Variants in SLC4A5 observed in about 807,000 individuals in gnomAD.
The protein encoded by SLC4A5 is electrogenic sodium bicarbonate cotransporter 4.
SLC4A5 carries 96 observed loss-of-function variants against 120.4 expected under a neutral mutation model. That is an observed-to-expected ratio of 0.80 (90% CI 0.68 to 0.94). The LOEUF is 0.94. Ranked by LOEUF, SLC4A5 falls within the 40% of genes least tolerant of loss-of-function variation. The probability of loss-of-function intolerance (pLI) is 0.00; values close to 1 mark genes in which losing one functional copy is unlikely to be tolerated. For missense variants in SLC4A5, 1,259 were observed against 1,459.5 expected, an observed-to-expected ratio of 0.86 and a Z score of 2.24; for synonymous variants, 550 against 571.1, an observed-to-expected ratio of 0.96 and a Z score of 0.53.
At chr2:74,252,950 C>T (rs1295008294) in intron 15 of SLC4A5, 24 bp downstream of exon 15, 9 of 1,613,032 alleles carry the variant, frequency 5.6e-6, no homozygotes, top group Non-Finnish European at 6.8e-6. Context: ...TTTTTCTCTC[C>T]CTACTGCCCA....
chr2:74,327,758 T>C (rs1190225113), intron 5 of SLC4A5, among the ~76,000 whole-genome samples: 1 of 152,152 alleles, frequency 6.6e-6, no homozygotes, highest in African/African-American at 2.4e-5. Flanking sequence ...GTCTAACACA[T>C]TTGACAAAGA....
chr2:74,309,459 A>G (rs112927740), intron 6 of SLC4A5, among the ~76,000 whole-genome samples: 6 of 152,274 alleles, frequency 3.9e-5, no homozygotes, highest in African/African-American at 1.4e-4. Context: ...GAGTAGTGTC[A>G]GTTCTTCAAC....
chr2:74,226,201 G>A (rs921793150), intron 27 of SLC4A5, among the ~76,000 whole-genome samples: 1 of 151,272 alleles, frequency 6.6e-6, no homozygotes, highest in African/African-American at 2.5e-5. Context: ...AAGAACCATG[G>A]ACTAGACCCC....
intron 25 of SLC4A5, among the ~76,000 whole-genome samples, chr2:74,230,851 G>A (rs549745065): frequency 1.3e-5 from 2 of 151,968 alleles, no homozygotes; most frequent in South Asian, 4.2e-4. Flanking sequence ...TTGCTGCCCA[G>A]GCTGGAGTGC....
At chr2:74,333,642 T>C (rs905878536) in intron 4 of SLC4A5, among the ~76,000 whole-genome samples, 2 of 152,212 alleles carry the variant, frequency 1.3e-5, no homozygotes, top group Middle Eastern at 3.2e-3. Context: ...CTTGAGCATC[T>C]TCAGATTATG....
At chr2:74,285,654 G>C (rs1671958207) in intron 8 of SLC4A5, 119 bp downstream of exon 8, 1 of 1,204,460 alleles carries the variant, frequency 8.3e-7, no homozygotes, top group East Asian at 2.7e-5. Context: ...CAGCTGGGAG[G>C]GTCTTTGTGG....
intron 7 of SLC4A5, among the ~76,000 whole-genome samples, chr2:74,295,376 A>G (rs539858006): frequency 5.3e-5 from 8 of 152,230 alleles, no homozygotes; most frequent in South Asian, 2.1e-4. Flanking sequence ...GCTCATGCCT[A>G]TAATTCCAGG....
chr2:74,273,854 G>T (rs999988562), intron 8 of SLC4A5, among the ~76,000 whole-genome samples: 9 of 152,180 alleles, frequency 5.9e-5, no homozygotes, highest in African/African-American at 2.2e-4. Flanking sequence ...TCTGTGGAAG[G>T]AAGATTTTTC....
intron 17 of SLC4A5, among the ~76,000 whole-genome samples, chr2:74,248,950 G>C (rs1670705396): frequency 6.6e-6 from 1 of 152,196 alleles, no homozygotes; most frequent in African/African-American, 2.4e-5. Flanking sequence ...CTTCATTCCA[G>C]TGGGAGACAC....
chr2:74,223,258 G>A (rs1326088171), intron 28 of SLC4A5, among the ~76,000 whole-genome samples: 1 of 152,096 alleles, frequency 6.6e-6, no homozygotes, highest in Admixed American at 6.6e-5. Flanking sequence ...CCCTGCCTCG[G>A]CCTCCCAAAG....
At chr2:74,317,901 C>T (rs1232818044) in intron 5 of SLC4A5, among the ~76,000 whole-genome samples, 4 of 152,198 alleles carry the variant, frequency 2.6e-5, no homozygotes, top group African/African-American at 4.8e-5. Flanking sequence ...GGCAGCTCCA[C>T]TTCAAAACAT....
At position 74,295,145 on chromosome 2, in the gene SLC4A5, G is replaced by C. The variant is rs568479738; in HGVS notation, c.272-9243C>G. 3.9e-4 allele frequency among the ~76,000 whole-genome samples: 59 copies of C among 151,990 alleles called. No individual in the cohort carries two copies. The South Asian group carries it at 0.012, about 31-fold the overall frequency. ...GGAGTGAGTGTGTGTGTGTTGGAGA[G>C]GGGGCGCTGAGGAGAGGGGGCTCAG... On this transcript the variant is annotated intron_variant, in intron 7 of 30. Transcript: ENST00000394019.
intron 7 of SLC4A5, among the ~76,000 whole-genome samples, chr2:74,303,101 A>C (rs979075677): frequency 4.0e-5 from 6 of 148,394 alleles, no homozygotes; most frequent in African/African-American, 1.5e-4. Flanking sequence ...ATGCCTGTGC[A>C]TGTGGTGTGT....
At chr2:74,227,470 T>C in intron 26 of SLC4A5, 1 of 1,582,712 alleles carries the variant, frequency 6.3e-7, no homozygotes, top group African/African-American at 1.4e-5. Context: ...TGTTTTCTTC[T>C]GCATAGCTGC....
intron 7 of SLC4A5, among the ~76,000 whole-genome samples, chr2:74,296,134 TG>T (rs1043789812): frequency 6.6e-6 from 1 of 152,178 alleles, no homozygotes; most frequent in African/African-American, 2.4e-5. Flanking sequence ...GCTTGAGTTT[TG>T]TTTTTGTTTT....
intron 30 of SLC4A5, among the ~76,000 whole-genome samples, 161 bp from the exon 31 acceptor site, chr2:74,218,953 C>T (rs1274203823): frequency 2.0e-5 from 3 of 152,206 alleles, no homozygotes; most frequent in Admixed American, 6.5e-5. Context: ...GCCATAGTCA[C>T]GCATCTGGTC....
At chr2:74,236,553 TTG>T (rs1670274890) in intron 21 of SLC4A5, among the ~76,000 whole-genome samples, 2 of 152,198 alleles carry the variant, frequency 1.3e-5, no homozygotes, top group Non-Finnish European at 2.9e-5. Context: ...AACACATGGC[TTG>T]TGTGTTTTAT....
intron 1 of SLC4A5, among the ~76,000 whole-genome samples, chr2:74,342,751 C>T (rs773116901): frequency 1.2e-4 from 18 of 152,140 alleles, no homozygotes; most frequent in Non-Finnish European, 2.5e-4. Context: ...CGTTCCTTCC[C>T]TCTCACTCCC....
Position 74,327,875 on chromosome 2 carries a change from T to G in SLC4A5, c.-3+245A>C, listed in dbSNP as rs1673255529. ...GACAGAACAAGTTTCCTGTCATTTC[T>G]GTTAATTTGGAGTGGTTTTGCACCC... is the stretch of plus-strand genomic sequence containing the variant. On this transcript the variant is annotated intron_variant, in intron 5 of 30. Transcript: ENST00000394019. 2.6e-5 allele frequency among the ~76,000 whole-genome samples: 4 copies of G among 152,230 alleles called. No individual in the cohort carries two copies. The South Asian group carries it at 8.3e-4, about 32-fold the overall frequency.
Sources: gnomAD v4.1 joint callset for allele counts (sites outside exome capture counted in the v4.1 genomes callset) on GRCh38, gnomAD v4.1.1 for gene constraint, MANE v1.5 for transcripts, NCBI Gene and HGNC (gene_info 2026-07-23, HGNC 2026-07-21) for gene names.